The following ALDH5A1 variants were observed in gnomAD, a reference collection of about 807,000 sequenced individuals.
ALDH5A1 encodes the protein succinate-semialdehyde dehydrogenase, mitochondrial.
A neutral mutation model predicts 54.7 loss-of-function variants in ALDH5A1; 33 were observed. The ratio of observed to expected loss-of-function variants is 0.60; its 90% CI spans 0.46 to 0.81. The LOEUF is 0.81. Ranked by LOEUF, ALDH5A1 falls within the 30% of genes least tolerant of loss-of-function variation. ALDH5A1 has a pLI of 0.00. For missense variants in ALDH5A1, 657 were observed against 711.0 expected (o/e 0.92, Z 0.86); for synonymous variants, 294 against 292.7 (o/e 1.00, Z -0.05).
chr6:24,520,601 GTA>G (rs1308036940), intron 6 of ALDH5A1, 57 bp downstream of exon 6: 250 of 1,600,778 alleles, frequency 1.6e-4, no homozygotes, highest in Middle Eastern at 7.9e-4. Flanking sequence ...GTGAGTGTGT[GTA>G]TGTGTGTGTG....
chr6:24,507,662 ACTC>A (rs1423693585), intron 4 of ALDH5A1, among the ~76,000 whole-genome samples: 2,871 of 151,640 alleles, frequency 0.019, 61 homozygotes, highest in African/African-American at 0.056. Flanking sequence ...TCCCTTAGGA[ACTC>A]CTGATATCCA....
chr6:24,499,562 G>A (rs1764780065), intron 1 of ALDH5A1, among the ~76,000 whole-genome samples: 1 of 150,856 alleles, frequency 6.6e-6, no homozygotes, highest in Admixed American at 6.6e-5. Flanking sequence ...TGCTATCATT[G>A]GCTCACTGCA....
chr6:24,506,211 T>C (rs931372887), intron 4 of ALDH5A1, among the ~76,000 whole-genome samples: 1 of 149,782 alleles, frequency 6.7e-6, no homozygotes, highest in South Asian at 2.1e-4. Context: ...ATTTATTTTA[T>C]ATTATATCTG....
At position 24,495,041 on chromosome 6, in the gene ALDH5A1, C is replaced by G; in HGVS notation, c.45C>G (p.Leu15=). Residue 15 remains leucine (L), a synonymous_variant, in exon 1 of 10, where the codon CTC becomes CTG. Transcript: ENST00000357578. ...IWLRSCGARR[L]GSTFPGCRLR... ...TGCGGAGCTGTGGGGCCCGGCGCCTCGGGTCGACGTTTCCAGGCTGCCGCC... is the reference window on the plus strand; with the variant it reads ...TGCGGAGCTGTGGGGCCCGGCGCCTGGGGTCGACGTTTCCAGGCTGCCGCC... The G allele has an allele frequency of 7.4e-7, 1 of 1,351,074 alleles. No homozygotes were observed. The allele number at this position is 1,351,074 out of a possible 1,614,324, so 83.7% of individuals were successfully genotyped here. A position where few individuals can be genotyped will look rare whatever the true frequency, so the allele number is the denominator to read the frequency against.
chr6:24,521,667 A>G (rs1454467361), intron 6 of ALDH5A1, among the ~76,000 whole-genome samples: 1 of 152,120 alleles, frequency 6.6e-6, no homozygotes, highest in Non-Finnish European at 1.5e-5. Flanking sequence ...TGAAATAAGT[A>G]TATTTTCCTT....
intron 4 of ALDH5A1, among the ~76,000 whole-genome samples, chr6:24,506,569 G>C (rs1022460456): frequency 9.9e-5 from 15 of 152,006 alleles, no homozygotes; most frequent in African/African-American, 3.4e-4. Context: ...GGTTTCTAAA[G>C]ACTCAGGAAA....
chr6:24,504,379 A>C (rs530987307), intron 3 of ALDH5A1, among the ~76,000 whole-genome samples: 1 of 152,358 alleles, frequency 6.6e-6, no homozygotes, highest in East Asian at 1.9e-4. Flanking sequence ...GGAATAATAA[A>C]TCATCTGCCA....
chr6:24,520,354 C>T (rs1372610596), intron 5 of ALDH5A1, 47 bp from the exon 6 acceptor site: 1 of 1,611,826 alleles, frequency 6.2e-7, no homozygotes, highest in Non-Finnish European at 8.5e-7. Flanking sequence ...CTTAACAATC[C>T]TGGTAATGGA....
intron 4 of ALDH5A1, among the ~76,000 whole-genome samples, chr6:24,505,519 C>T (rs1306139898): frequency 3.9e-5 from 6 of 152,072 alleles, no homozygotes; most frequent in East Asian, 3.9e-4. Flanking sequence ...TGGCCCCTGC[C>T]GCTTTCCAGA....
In ALDH5A1 at chr6:24,527,980, T is replaced by C. The variant is rs1193123406; in HGVS notation, c.1174-17T>C. The stretch of plus-strand genomic sequence containing the variant: ...ATTGTATCATGTGGAAAGCTTTTTT[T>C]CTTCCTCATTACACAGGTGGAGAAA... On this transcript the variant is annotated splice_polypyrimidine_tract_variant and intron_variant, in intron 7 of 9. Transcript: ENST00000357578. 2 of 1,613,602 alleles carry C rather than the reference T, an allele frequency of 1.2e-6. No individual in the cohort carries two copies. Among genetic ancestry groups the C allele is most frequent in the Admixed American group, 1.7e-5 (1 of 60,000 alleles).
chr6:24,505,071 C>A, intron 4 of ALDH5A1, 86 bp downstream of exon 4: 1 of 1,413,410 alleles, frequency 7.1e-7, no homozygotes, highest in Non-Finnish European at 1.0e-6. Flanking sequence ...AATTTTGGAG[C>A]CTACTTCTTT....
At chr6:24,532,243 CTT>C (rs1276970756) in intron 9 of ALDH5A1, 66 bp downstream of exon 9, 10 of 1,509,370 alleles carry the variant, frequency 6.6e-6, no homozygotes, top group Non-Finnish European at 8.3e-6. Context: ...CAGATTTACC[CTT>C]TTAAACATCA....
intron 9 of ALDH5A1, among the ~76,000 whole-genome samples, chr6:24,532,540 AC>A (rs1213572136): frequency 3.3e-5 from 5 of 152,168 alleles, no homozygotes; most frequent in Non-Finnish European, 7.3e-5. Context: ...GTAAGCCTGA[AC>A]AGAAGAGGAA....
chr6:24,534,118 A>C lies in ALDH5A1; in HGVS notation c.*406A>C. 4.7e-6 allele frequency: 1 copy of C among 211,702 alleles called. No homozygotes were observed. Among genetic ancestry groups the C allele is most frequent in the East Asian group, 1.1e-4 (1 of 9,024 alleles). 13.1% of individuals were successfully genotyped at this position (211,702 alleles called of 1,614,324 possible). The stretch of plus-strand genomic sequence containing the variant: ...ATGGGCCCAGAGCACCTTGAAGGAG[A>C]CCCTTGACTGTGACTGGCAGGCAGG... On this transcript the variant is annotated 3_prime_UTR_variant, in exon 10 of 10. Transcript: ENST00000357578.
At chr6:24,508,819 G>T (rs550971566) in intron 4 of ALDH5A1, among the ~76,000 whole-genome samples, 4 of 152,300 alleles carry the variant, frequency 2.6e-5, no homozygotes, top group Admixed American at 2.0e-4. Flanking sequence ...AACCTTGCAG[G>T]AGTAAGGTGG....
In ALDH5A1 at chr6:24,505,693, G is replaced by T. The variant is rs1242703695; in HGVS notation, c.726+708G>T. ...TGTCTAAAAATCACAATTTGGCTGG[G>T]CGTGGTGGCTCACACTTGTAATCTC... On this transcript the variant is annotated intron_variant, in intron 4 of 9. Coordinates refer to ENST00000357578, the MANE Select transcript of ALDH5A1 (RefSeq NM_001080.3). Among the ~76,000 whole-genome samples the T allele has an allele frequency of 3.3e-5, 5 of 152,118 alleles. No individual in the cohort carries two copies. In the East Asian group the frequency reaches 7.7e-4, roughly 23 times the overall value.
chr6:24,519,824 AT>A lies in ALDH5A1; in HGVS notation c.871-576del, dbSNP rs200390257. Reference sequence around the variant, plus strand: ...ACATTCTAAATGGATGTACTTTAAAATGTTATCAGTGTAAGCTGTGGGTTGT... The same window carrying A: ...ACATTCTAAATGGATGTACTTTAAAAGTTATCAGTGTAAGCTGTGGGTTGT... On this transcript the variant is annotated intron_variant, in intron 5 of 9. Transcript: ENST00000357578. Among the ~76,000 whole-genome samples, 1,473 of 152,098 alleles carry A rather than the reference AT, an allele frequency of 9.7e-3. 13 individuals carry two copies. Among genetic ancestry groups the A allele is most frequent in the Non-Finnish European group, 0.015 (999 of 68,002 alleles).
At chr6:24,507,017 T>C (rs1416108729) in intron 4 of ALDH5A1, among the ~76,000 whole-genome samples, 1 of 152,244 alleles carries the variant, frequency 6.6e-6, no homozygotes, top group Admixed American at 6.5e-5. Flanking sequence ...TTAATCCCTC[T>C]TGGCTATGAA....
intron 6 of ALDH5A1, 119 bp downstream of exon 6, chr6:24,520,663 AC>A: frequency 2.8e-6 from 4 of 1,440,474 alleles, no homozygotes; most frequent in Non-Finnish European, 3.8e-6. Context: ...TGTGTGTGTT[AC>A]AAAGATCCCA....
Sources: gnomAD v4.1 joint callset for allele counts (sites outside exome capture counted in the v4.1 genomes callset) on GRCh38, gnomAD v4.1.1 for gene constraint, MANE v1.5 for transcripts, NCBI Gene and HGNC (gene_info 2026-07-23, HGNC 2026-07-21) for gene names.